Variants in BRSK2 observed in about 807,000 individuals in gnomAD.
The protein encoded by BRSK2 is serine/threonine-protein kinase BRSK2.
BRSK2 carries 19 observed loss-of-function variants against 83.3 expected under a neutral mutation model. That is an observed-to-expected ratio of 0.23 (90% CI 0.16 to 0.33). The LOEUF is 0.33. BRSK2 is among the 10% of genes least tolerant of loss of function. BRSK2 has a pLI of 1.00. For synonymous variants in BRSK2, 519 were observed against 435.4 expected (o/e 1.19, Z -2.39); for missense variants, 798 against 1,042.3 (o/e 0.77, Z 3.23).
intron 1 of BRSK2, among the ~76,000 whole-genome samples, chr11:1,403,731 A>T (rs890504616): frequency 2.0e-5 from 3 of 152,094 alleles, no homozygotes; most frequent in African/African-American, 7.2e-5. Context: ...GTGGACCCCC[A>T]TGCTGGTGAG....
chr11:1,411,679 G>C (rs1029721364), intron 1 of BRSK2: 4 of 1,532,560 alleles, frequency 2.6e-6, no homozygotes, highest in African/African-American at 2.7e-5. Context: ...CGAGGGAGGA[G>C]TGTGTTCATG....
chr11:1,450,515 G>C, intron 13 of BRSK2, 72 bp from the exon 14 acceptor site: 1 of 732,128 alleles, frequency 1.4e-6, no homozygotes, highest in Admixed American at 3.2e-5. Flanking sequence ...GGGCCCGCCT[G>C]CCCTGCGGGT....
At chr11:1,411,360 G>A in intron 1 of BRSK2, 1 of 1,449,700 alleles carries the variant, frequency 6.9e-7, no homozygotes, top group Non-Finnish European at 9.0e-7. Context: ...GCCCCATCTG[G>A]CCCTAGTTTG....
At chr11:1,451,235 C>T in intron 14 of BRSK2, 136 bp from the exon 15 acceptor site, 5 of 959,340 alleles carry the variant, frequency 5.2e-6, no homozygotes, top group South Asian at 2.8e-5. Context: ...CTGGGGTGGA[C>T]CAGTGCCCCT....
chr11:1,452,780 C>T (rs1403821572), intron 15 of BRSK2, among the ~76,000 whole-genome samples: 1 of 152,172 alleles, frequency 6.6e-6, no homozygotes, highest in Non-Finnish European at 1.5e-5. Context: ...TGTGACAGCC[C>T]TTATTGAGGG....
chr11:1,390,000 TCGGCGG>T lies in BRSK2; in HGVS notation c.-263_-258del, dbSNP rs3081415. The stretch of plus-strand genomic sequence containing the variant: ...GGGCGCGGGGCGCGGGGCGCGGGCC[TCGGCGG>T]CGGCGGCGGCGGCGGCGGCGGAAGC... On this transcript the variant is annotated 5_prime_UTR_variant, in exon 1 of 20. Transcript: ENST00000528841. The surrounding 1 kb of genome is among the most constrained non-coding windows in gnomAD (Gnocchi z 4.1). 9 of 145,574 alleles carry T rather than the reference TCGGCGG, an allele frequency of 6.2e-5. No homozygotes were observed. In the South Asian group the frequency reaches 9.0e-4, roughly 15 times the overall value. 9.0% of individuals were successfully genotyped at this position (145,574 alleles called of 1,614,324 possible). A position where few individuals can be genotyped will look rare whatever the true frequency, so the allele number is the denominator to read the frequency against.
At position 1,460,691 on chromosome 11, in the gene BRSK2, G is replaced by GGCCC. The variant is rs1847366923; in HGVS notation, c.2184_2187dup (p.Thr730AlafsTer98). 1 of 1,511,146 alleles carries GGCCC rather than the reference G, an allele frequency of 6.6e-7. No individual in the cohort carries two copies. Among genetic ancestry groups the GGCCC allele is most frequent in the Admixed American group, 2.0e-5 (1 of 48,928 alleles). 93.6% of individuals were successfully genotyped at this position (1,511,146 alleles called of 1,614,324 possible). A position where few individuals can be genotyped will look rare whatever the true frequency, so the allele number is the denominator to read the frequency against. ...AACGGGCAAGGACACGGCCAAGATG[G>GGCCC]GCCCGCCCACCGCCCGCCGCGAGCA... On this transcript the variant is annotated frameshift_variant, in exon 20 of 20. Coordinates refer to ENST00000528841, the MANE Select transcript of BRSK2 (RefSeq NM_001256627.2). LOFTEE classifies it high-confidence loss of function.
intron 1 of BRSK2, among the ~76,000 whole-genome samples, chr11:1,405,332 T>C (rs990611682): frequency 6.6e-6 from 1 of 152,074 alleles, no homozygotes; most frequent in African/African-American, 2.4e-5. Flanking sequence ...TATGTGTGTG[T>C]GGTGTGTCTG....
chr11:1,422,720 C>T (rs369089741), intron 1 of BRSK2, among the ~76,000 whole-genome samples: 15 of 152,294 alleles, frequency 9.8e-5, no homozygotes, highest in African/African-American at 2.2e-4. Context: ...CAGGCCTGAC[C>T]GTCCAAGGCT....
chr11:1,423,186 C>T lies in BRSK2; in HGVS notation c.92-12854C>T, dbSNP rs117979885. On this transcript the variant is annotated intron_variant, in intron 1 of 19. Transcript: ENST00000528841. This position sits in a 1 kb window ranked among gnomAD's most constrained non-coding sequence, Gnocchi z 6.5. ...CGGTGCCTCGTGGGGGATGCGGTGC[C>T]TCGTGGGGGACATGGTGCCTTGTGG... Among the ~76,000 whole-genome samples, 3,550 of 152,222 alleles carry T rather than the reference C, an allele frequency of 0.023. 56 individuals are homozygous for T. Among genetic ancestry groups the T allele is most frequent in the Non-Finnish European group, 0.033 (2,222 of 68,006 alleles).
chr11:1,427,490 G>A (rs937582515), intron 1 of BRSK2, among the ~76,000 whole-genome samples: 4 of 152,144 alleles, frequency 2.6e-5, no homozygotes, highest in African/African-American at 7.2e-5. Context: ...TGGCATACCC[G>A]TGGCTTCCCT....
chr11:1,445,734 G>C (rs766711904), intron 11 of BRSK2, 23 bp from the exon 12 acceptor site: 3 of 1,611,104 alleles, frequency 1.9e-6, no homozygotes, highest in East Asian at 4.5e-5. Flanking sequence ...GGGCTGTCTG[G>C]CCTGACCTTC....
chr11:1,419,232 C>T (rs1306122871), intron 1 of BRSK2, among the ~76,000 whole-genome samples: 4 of 151,162 alleles, frequency 2.6e-5, no homozygotes, highest in African/African-American at 4.9e-5. Flanking sequence ...GGTGGGGGTC[C>T]TTTGCTCAGC....
chr11:1,448,110 G>T (rs1852409759), intron 12 of BRSK2, among the ~76,000 whole-genome samples: 1 of 152,182 alleles, frequency 6.6e-6, no homozygotes, highest in African/African-American at 2.4e-5. Flanking sequence ...AGGGCCTGGG[G>T]CTAGAGCCCG....
At chr11:1,456,300 G>A (rs755257610) in intron 16 of BRSK2, 48 bp from the exon 17 acceptor site, 6 of 1,502,418 alleles carry the variant, frequency 4.0e-6, no homozygotes, top group Middle Eastern at 2.2e-4. Flanking sequence ...AGAGGGCCAG[G>A]GTGGGACCTG....
chr11:1,405,968 A>G (rs1355548562), intron 1 of BRSK2, among the ~76,000 whole-genome samples: 2 of 150,210 alleles, frequency 1.3e-5, no homozygotes, highest in African/African-American at 4.9e-5. Context: ...CAGCCTTCCC[A>G]GACCCCCACA....
intron 1 of BRSK2, among the ~76,000 whole-genome samples, chr11:1,407,565 GGGTTCTAGCAGCCT>G (rs1846976341): frequency 6.6e-6 from 1 of 152,130 alleles, no homozygotes; most frequent in Admixed American, 6.5e-5. Context: ...ACCTCTGCAG[GGGTTCTAGCAGCCT>G]GGTTCTAGCA....
rs1302308207 is a variant in BRSK2, at chr11:1,459,250, C to T, written c.1987+11C>T. ...GGCTTTCCAAATGTGGTAAGAATCC[C>T]CCACGCTCACCTGGCACCTCCACCT... On this transcript the variant is annotated intron_variant, in intron 19 of 19. Coordinates refer to ENST00000528841, the MANE Select transcript of BRSK2 (RefSeq NM_001256627.2). 6.2e-7 allele frequency: 1 copy of T among 1,613,356 alleles called. No homozygotes were observed. The highest frequency in any genetic ancestry group is 2.2e-5 in the East Asian group (1 of 44,892).
At position 1,461,985 on chromosome 11, in the gene BRSK2, G is replaced by A. The variant is rs1847556494; in HGVS notation, c.*1262G>A. ...AGCGCCAGCGCCCCTCTGTCAGGCT[G>A]GGGCAATCTTGGTTTTGTGTCCAAA... On this transcript the variant is annotated 3_prime_UTR_variant, in exon 20 of 20. Transcript: ENST00000528841. 1 of 152,178 alleles carries A rather than the reference G, an allele frequency of 6.6e-6. No homozygotes were observed. The highest frequency in any genetic ancestry group is 2.1e-4 in the South Asian group (1 of 4,830). 9.4% of individuals were successfully genotyped at this position (152,178 alleles called of 1,614,324 possible). A position where few individuals can be genotyped will look rare whatever the true frequency, so the allele number is the denominator to read the frequency against.
Sources: gnomAD v4.1 joint callset for allele counts (sites outside exome capture counted in the v4.1 genomes callset) on GRCh38, gnomAD v4.1.1 for gene constraint, Gnocchi (gnomAD v3.1) non-coding constraint, MANE v1.5 for transcripts, NCBI Gene and HGNC (gene_info 2026-07-23, HGNC 2026-07-21) for gene names.